The following CAMTA1 variants were observed in gnomAD, a reference collection of about 807,000 sequenced individuals.
CAMTA1 encodes calmodulin binding transcription activator 1.
Under a neutral mutation model 170.9 loss-of-function variants are expected in CAMTA1, and 27 were observed. The observed-to-expected ratio is 0.16, with a 90% CI of 0.12 to 0.22. The LOEUF (loss-of-function observed/expected upper bound fraction) is 0.22, where lower values mean the gene tolerates loss of function less well. Among genes scored for constraint, CAMTA1 ranks in the 10% least tolerant of loss-of-function variants. The pLI is 1.00. For missense variants in CAMTA1, 1,619 were observed against 2,217.2 expected (o/e 0.73, Z 5.42); for synonymous variants, 833 against 891.5 (o/e 0.93, Z 1.17).
rs2085044809 is a variant in CAMTA1, at chr1:7,355,531, C to T, written c.438+105905C>T. 2.0e-5 allele frequency among the ~76,000 whole-genome samples: 3 copies of T among 152,224 alleles called. 1 individual carries two copies. The South Asian group carries it at 6.2e-4, about 32-fold the overall frequency. On this transcript the variant is annotated intron_variant, in intron 5 of 22. Transcript: ENST00000303635. Reference sequence around the variant, plus strand: ...CACTCAGCCAACCCTTACACCCCTACCCCCAAAATATAGCTCAAGTCCATC... The same window carrying T: ...CACTCAGCCAACCCTTACACCCCTATCCCCAAAATATAGCTCAAGTCCATC...
rs1021087901 is a variant in CAMTA1 at position 7,663,627 on chromosome 1, G to A, written c.1080G>A (p.Val360=). ...EVPDTTQSSP[V]SISSGLNSDP... ...CCGACACCACCCAGAGCTCCCCTGT[G>A]TCCATCAGCAGCGGGCTCAACAGCG... is the stretch of plus-strand genomic sequence containing the variant. Residue 360 remains valine, a synonymous_variant, in exon 9 of 23, where the codon GTG becomes GTA. Transcript: ENST00000303635. The A allele has an allele frequency of 1.2e-5, 19 of 1,614,072 alleles. No individual in the cohort carries two copies. Among genetic ancestry groups the A allele is most frequent in the Non-Finnish European group, 1.4e-5 (17 of 1,180,052 alleles).
chr1:7,211,528 T>TTTGTA (rs1658750688), intron 4 of CAMTA1, among the ~76,000 whole-genome samples: 1 of 152,246 alleles, frequency 6.6e-6, no homozygotes, highest in African/African-American at 2.4e-5. Flanking sequence ...TAAGGATGAT[T>TTTGTA]TCACTCATTA....
intron 6 of CAMTA1, among the ~76,000 whole-genome samples, chr1:7,550,155 G>C (rs984834359): frequency 1.3e-5 from 2 of 152,096 alleles, no homozygotes; most frequent in African/African-American, 4.8e-5. Flanking sequence ...GCAGAAGACA[G>C]CTGAGCTGAC....
intron 5 of CAMTA1, among the ~76,000 whole-genome samples, chr1:7,427,601 A>G (rs2149343869): frequency 6.6e-6 from 1 of 152,228 alleles, no homozygotes; most frequent in East Asian, 1.9e-4. Context: ...CCCAGCAGTG[A>G]GTGCATACGT....
At chr1:7,284,716 A>T (rs959156043) in intron 5 of CAMTA1, among the ~76,000 whole-genome samples, 1 of 152,134 alleles carries the variant, frequency 6.6e-6, no homozygotes, top group Admixed American at 6.5e-5. Flanking sequence ...TGCTCGCCAC[A>T]TGCCCACCCA....
Position 7,403,358 on chromosome 1 carries a change from G to T in CAMTA1, c.439-64472G>T, listed in dbSNP as rs563312996. 5.3e-5 allele frequency among the ~76,000 whole-genome samples: 8 copies of T among 152,118 alleles called. No individual in the cohort carries two copies. In the East Asian group the frequency reaches 1.5e-3, roughly 29 times the overall value. ...GAATGAAACTCCATCTCAAAAAAAA[G>T]AAAGAAAATGATATTAATCCCCAAG... On this transcript the variant is annotated intron_variant, in intron 5 of 22. Coordinates refer to ENST00000303635, the MANE Select transcript of CAMTA1 (RefSeq NM_015215.4).
Position 7,463,026 on chromosome 1 carries a change from A to G in CAMTA1, c.439-4804A>G, listed in dbSNP as rs2149517729. 6.6e-6 allele frequency among the ~76,000 whole-genome samples: 1 copy of G among 152,326 alleles called. No homozygotes were observed. Among genetic ancestry groups the G allele is most frequent in the South Asian group, 2.1e-4 (1 of 4,822 alleles). ...GCTGAGCGGGGTCTTCGGAGGCAGC[A>G]CAGGGAGGTTGTCCTGGTGAATGGC... On this transcript the variant is annotated intron_variant, in intron 5 of 22. Coordinates refer to ENST00000303635, the MANE Select transcript of CAMTA1 (RefSeq NM_015215.4). The surrounding 1 kb of genome is among the most constrained non-coding windows in gnomAD (Gnocchi z 4.7).
At chr1:7,055,734 G>A (rs932725123) in intron 3 of CAMTA1, among the ~76,000 whole-genome samples, 2 of 152,186 alleles carry the variant, frequency 1.3e-5, no homozygotes, top group African/African-American at 2.4e-5. Flanking sequence ...TCTGTCTCCC[G>A]CCAGTGGGCC....
At chr1:7,459,603 T>C (rs1352227795) in intron 5 of CAMTA1, among the ~76,000 whole-genome samples, 1 of 152,192 alleles carries the variant, frequency 6.6e-6, no homozygotes, top group African/African-American at 2.4e-5. Context: ...GACATCAGCG[T>C]AGCACACTCA....
intron 6 of CAMTA1, among the ~76,000 whole-genome samples, chr1:7,579,424 C>A (rs2095236037): frequency 6.6e-6 from 1 of 152,162 alleles, no homozygotes; most frequent in South Asian, 2.1e-4. Flanking sequence ...GCTGTTATTA[C>A]CTGCCGTTGT....
In CAMTA1 at chr1:6,830,586, G is replaced by A. The variant is rs531087918; in HGVS notation, c.234+5376G>A. Among the ~76,000 whole-genome samples the A allele has an allele frequency of 3.3e-5, 5 of 152,152 alleles. No individual in the cohort carries two copies. In the South Asian group the frequency reaches 8.3e-4, roughly 25 times the overall value. Reference sequence around the variant, plus strand: ...TCCAACTCCCGACCTCAGGTGATCCGCCTGCCTCAGCCTCCCAAAGTGCTT... The same window carrying A: ...TCCAACTCCCGACCTCAGGTGATCCACCTGCCTCAGCCTCCCAAAGTGCTT... On this transcript the variant is annotated intron_variant, in intron 3 of 22. Transcript: ENST00000303635.
intron 3 of CAMTA1, among the ~76,000 whole-genome samples, chr1:6,858,566 A>G (rs779072176): frequency 2.0e-5 from 3 of 151,610 alleles, no homozygotes; most frequent in Non-Finnish European, 2.9e-5. Context: ...GTTATATATT[A>G]AATAAGTTAA....
chr1:6,885,797 TC>T, intron 3 of CAMTA1, among the ~76,000 whole-genome samples: 1 of 152,164 alleles, frequency 6.6e-6, no homozygotes, highest in Non-Finnish European at 1.5e-5. Context: ...ACCTGCTGCC[TC>T]CCCTCCTCCT....
chr1:6,956,630 C>T (rs1015017121), intron 3 of CAMTA1, among the ~76,000 whole-genome samples: 10 of 152,012 alleles, frequency 6.6e-5, no homozygotes, highest in South Asian at 4.2e-4. Context: ...ACCTGTGTGG[C>T]GGTGTTGTGT....
At chr1:7,128,335 G>A (rs1645050732) in intron 4 of CAMTA1, among the ~76,000 whole-genome samples, 1 of 152,200 alleles carries the variant, frequency 6.6e-6, no homozygotes, top group African/African-American at 2.4e-5. Context: ...CACCAAACCT[G>A]GGGATGGTCT....
At chr1:7,560,799 C>T (rs1051252217) in intron 6 of CAMTA1, among the ~76,000 whole-genome samples, 4 of 151,710 alleles carry the variant, frequency 2.6e-5, no homozygotes, top group East Asian at 3.9e-4. Flanking sequence ...ACATGGGACT[C>T]GGGGCAGGCA....
intron 4 of CAMTA1, among the ~76,000 whole-genome samples, chr1:7,150,433 C>T (rs1404545444): frequency 2.6e-5 from 4 of 152,142 alleles, no homozygotes. Flanking sequence ...GATGCTTTTC[C>T]TCAGAGACAC....
chr1:7,537,274 G>A (rs533009977), intron 6 of CAMTA1, among the ~76,000 whole-genome samples: 3 of 152,282 alleles, frequency 2.0e-5, no homozygotes, highest in African/African-American at 4.8e-5. Context: ...TCCTTTGCCC[G>A]TCGGCAGCCA....
At chr1:7,143,046 C>T (rs1645978997) in intron 4 of CAMTA1, among the ~76,000 whole-genome samples, 1 of 152,134 alleles carries the variant, frequency 6.6e-6, no homozygotes, top group Non-Finnish European at 1.5e-5. Context: ...CCAGGTGACC[C>T]CAGAGGGAAG....
Sources: allele counts gnomAD v4.1 joint callset (sites outside exome capture counted in the v4.1 genomes callset), GRCh38; gene constraint gnomAD v4.1.1; non-coding constraint Gnocchi (gnomAD v3.1); transcripts MANE v1.5; gene names NCBI Gene and HGNC (gene_info 2026-07-23, HGNC 2026-07-21).